Variants in CCDC14 observed in about 807,000 individuals in gnomAD.
CCDC14 encodes coiled-coil domain containing 14, also known as coiled-coil domain-containing protein 14.
In CCDC14, 71 loss-of-function variants were observed where a neutral mutation model predicts 81.4. That is an observed-to-expected ratio of 0.87 (90% CI 0.72 to 1.06). The LOEUF is 1.06. Ranked by LOEUF, CCDC14 falls within the 50% of genes least tolerant of loss-of-function variation. The probability of loss-of-function intolerance (pLI) is 0.00; values close to 1 mark genes in which losing one functional copy is unlikely to be tolerated. For missense variants in CCDC14, 1,046 were observed against 1,047.3 expected, an observed-to-expected ratio of 1.00 and a Z score of 0.02; for synonymous variants, 332 against 364.8, an observed-to-expected ratio of 0.91 and a Z score of 1.03.
In CCDC14 at chr3:123,950,671, G is replaced by A. The variant is rs80198169; in HGVS notation, c.353-1539C>T. 5.4e-4 allele frequency among the ~76,000 whole-genome samples: 82 copies of A among 152,176 alleles called. 1 individual carries two copies. The South Asian group carries it at 8.7e-3, about 16-fold the overall frequency. On this transcript the variant is annotated intron_variant, in intron 5 of 12. Transcript: ENST00000409697. ...AGGGTACTGACAGGGAGGGAGCCTC[G>A]CAGGGTGCTAAAAATTGTCTGTATC...
chr3:123,899,130 CTTAT>C (rs2034131751), intron 5 of CCDC14, among the ~76,000 whole-genome samples: 1 of 152,098 alleles, frequency 6.6e-6, no homozygotes, highest in Non-Finnish European at 1.5e-5. Context: ...ATGGAAAGAG[CTTAT>C]TTATTAGCTT....
chr3:123,917,043 CTG>C (rs1416529620), intron 12 of CCDC14, among the ~76,000 whole-genome samples: 3 of 151,708 alleles, frequency 2.0e-5, no homozygotes, highest in African/African-American at 7.3e-5. Context: ...CGGGGTTTCA[CTG>C]TGTTAGCCGG....
downstream of CCDC14, among the ~76,000 whole-genome samples, chr3:123,896,279 CTA>C (rs547557418): frequency 9.4e-4 from 143 of 152,262 alleles, no homozygotes; most frequent in African/African-American, 3.3e-3. Flanking sequence ...CCCTGGGACT[CTA>C]TAGAGACCTC....
At chr3:123,961,018 C>T in intron 1 of CCDC14, 126 bp downstream of exon 1, 1 of 824,664 alleles carries the variant, frequency 1.2e-6, no homozygotes, top group Non-Finnish European at 1.9e-6. Context: ...CACCTCTGTC[C>T]CAGCACTTTA....
At chr3:123,945,063 AAAAG>A (rs1351528646) in intron 8 of CCDC14, 73 bp from the exon 9 acceptor site, 1 of 943,546 alleles carries the variant, frequency 1.1e-6, no homozygotes, top group African/African-American at 1.7e-5. Flanking sequence ...GTATTACTAA[AAAAG>A]AAAATCTTTA....
At chr3:123,909,394 G>A (rs1398805781), downstream of CCDC14, among the ~76,000 whole-genome samples, 1 of 152,152 alleles carries the variant, frequency 6.6e-6, no homozygotes, top group Non-Finnish European at 1.5e-5. Flanking sequence ...AGAAGATAAT[G>A]CTGGGGTCCT....
rs1228955351 is a variant in CCDC14 at position 123,913,565 on chromosome 3, T to C, written c.*1214A>G. 4.1e-6 allele frequency: 4 copies of C among 980,638 alleles called. No individual in the cohort carries two copies. The highest frequency in any genetic ancestry group is 1.8e-5 in the African/African-American group (1 of 57,068). 60.7% of individuals were successfully genotyped at this position (980,638 alleles called of 1,614,324 possible). A position where few individuals can be genotyped will look rare whatever the true frequency, so the allele number is the denominator to read the frequency against. ...GCTAATGGACTCTTGTGTGAAATAG[T>C]TTAGAATTCACTTAATAAATTTTTA... On this transcript the variant is annotated 3_prime_UTR_variant, in exon 13 of 13. Coordinates refer to ENST00000409697, the MANE Select transcript of CCDC14 (RefSeq NM_001366335.1).
At chr3:123,951,287 C>A (rs1174138851) in intron 5 of CCDC14, among the ~76,000 whole-genome samples, 1 of 152,156 alleles carries the variant, frequency 6.6e-6, no homozygotes, top group Non-Finnish European at 1.5e-5. Context: ...TGCACTCTTA[C>A]AATAGACAAG....
At chr3:123,938,696 G>A (rs2036188409) in intron 9 of CCDC14, among the ~76,000 whole-genome samples, 1 of 151,442 alleles carries the variant, frequency 6.6e-6, no homozygotes, top group South Asian at 2.1e-4. Flanking sequence ...CATATGCAGA[G>A]ACAAAAAAAC....
chr3:123,947,398 G>T (rs2036714756), intron 7 of CCDC14, 79 bp from the exon 8 acceptor site: 19 of 899,466 alleles, frequency 2.1e-5, no homozygotes, highest in Non-Finnish European at 2.8e-5. Flanking sequence ...TCAAATATAT[G>T]AAATATATTT....
At chr3:123,910,509 C>CT (rs1219814208), downstream of CCDC14, among the ~76,000 whole-genome samples, 1 of 151,942 alleles carries the variant, frequency 6.6e-6, no homozygotes, top group Non-Finnish European at 1.5e-5. Context: ...TGCTTACGTT[C>CT]ATCCCTCCCA....
rs1170008070 is a variant in CCDC14 at position 123,948,697 on chromosome 3, A to G, written c.678T>C (p.Val226=). The change falls in exon 7 of 13, where the codon GTT becomes GTC. Residue 226 remains valine, a synonymous_variant. Transcript: ENST00000409697. ...SLQRPPCPPK[V]HSEVQTDGNS... ...GTATAAGAACTGTACGCACAGAATG[A>G]ACCTTTGGAGGGCAGGGTGGCCGCT... The G allele has an allele frequency of 6.3e-7, 1 of 1,598,852 alleles. No individual in the cohort carries two copies. Among genetic ancestry groups the G allele is most frequent in the Non-Finnish European group, 8.5e-7 (1 of 1,175,542 alleles).
intron 12 of CCDC14, among the ~76,000 whole-genome samples, chr3:123,926,751 A>C (rs1386939864): frequency 6.6e-6 from 1 of 152,118 alleles, no homozygotes; most frequent in African/African-American, 2.4e-5. Flanking sequence ...GACCTTGTAC[A>C]TGTACCTTTC....
chr3:123,926,320 A>T (rs910358086), intron 12 of CCDC14, among the ~76,000 whole-genome samples: 20 of 151,974 alleles, frequency 1.3e-4, no homozygotes, highest in African/African-American at 4.6e-4. Context: ...ATGAGCACCT[A>T]AACTGTGACA....
intron 1 of CCDC14, among the ~76,000 whole-genome samples, chr3:123,960,708 GT>G (rs930449800): frequency 6.6e-6 from 1 of 152,202 alleles, no homozygotes; most frequent in African/African-American, 2.4e-5. Context: ...TGTGATCGAT[GT>G]TTTTACCGGG....
At chr3:123,895,336 GA>G (rs1195106986), downstream of CCDC14, among the ~76,000 whole-genome samples, 2 of 152,130 alleles carry the variant, frequency 1.3e-5, no homozygotes, top group Non-Finnish European at 2.9e-5. Context: ...AAAGGAGAAG[GA>G]AAGGGAAGGA....
chr3:123,909,307 T>C (rs557432566), downstream of CCDC14, among the ~76,000 whole-genome samples: 7 of 152,318 alleles, frequency 4.6e-5, no homozygotes, highest in African/African-American at 1.7e-4. Context: ...AGTTTTCCTC[T>C]TGGATAGTTG....
At chr3:123,896,368 C>G (rs2034062712), downstream of CCDC14, among the ~76,000 whole-genome samples, 1 of 152,104 alleles carries the variant, frequency 6.6e-6, no homozygotes, top group African/African-American at 2.4e-5. Context: ...TAAATGAATA[C>G]CTTTTATTTA....
chr3:123,914,672 C>A lies in CCDC14; in HGVS notation c.*107G>T, dbSNP rs1559760509. 1.4e-6 allele frequency: 2 copies of A among 1,431,782 alleles called. No individual in the cohort carries two copies. The highest frequency in any genetic ancestry group is 1.4e-5 in the African/African-American group (1 of 69,466). 88.7% of individuals were successfully genotyped at this position (1,431,782 alleles called of 1,614,324 possible). On this transcript the variant is annotated 3_prime_UTR_variant, in exon 13 of 13. Transcript: ENST00000409697. ...CATTTATTACTTGTACAATATATTA[C>A]TTCACACATAATAACATAAAACATC...
Sources: gnomAD v4.1 joint callset for allele counts (sites outside exome capture counted in the v4.1 genomes callset) on GRCh38, gnomAD v4.1.1 for gene constraint, MANE v1.5 for transcripts, NCBI Gene and HGNC (gene_info 2026-07-23, HGNC 2026-07-21) for gene names.